CTNNA3: variants seen among roughly 807,000 people sequenced by gnomAD.
CTNNA3 encodes the protein catenin alpha 3.
A neutral mutation model predicts 95.7 loss-of-function variants in CTNNA3; 76 were observed. The observed-to-expected ratio is 0.79, with a 90% CI of 0.66 to 0.96. The LOEUF is 0.96. CTNNA3 is among the 40% of genes least tolerant of loss of function. The pLI, the probability that CTNNA3 is intolerant of heterozygous loss-of-function variation, is 0.00. For missense variants in CTNNA3, 1,191 were observed against 1,089.8 expected (o/e 1.09, Z -1.31); for synonymous variants, 431 against 374.4 (o/e 1.15, Z -1.74).
intron 7 of CTNNA3, among the ~76,000 whole-genome samples, chr10:66,884,329 T>A (rs1844960194): frequency 6.6e-6 from 1 of 152,120 alleles, no homozygotes; most frequent in Non-Finnish European, 1.5e-5. Flanking sequence ...GGAGCTTAAT[T>A]TTCTTCCGTG....
At chr10:67,037,862 G>A (rs1251385346) in intron 7 of CTNNA3, among the ~76,000 whole-genome samples, 1 of 152,126 alleles carries the variant, frequency 6.6e-6, no homozygotes, top group Non-Finnish European at 1.5e-5. Context: ...GCTGACAGTT[G>A]ATATTATGGA....
intron 11 of CTNNA3, among the ~76,000 whole-genome samples, chr10:66,381,656 G>C (rs1589165628): frequency 6.6e-6 from 1 of 152,120 alleles, no homozygotes; most frequent in Admixed American, 6.6e-5. Context: ...TCTGAAATTA[G>C]ATAAATTTAA....
chr10:67,099,134 A>G lies in CTNNA3; in HGVS notation c.1047+81183T>C, dbSNP rs563026524. 11 of 151,870 alleles carry G rather than the reference A, an allele frequency of 7.2e-5. No individual in the cohort carries two copies. In the South Asian group the frequency reaches 2.3e-3, roughly 31 times the overall value. The allele number at this position is 151,870 out of a possible 1,614,324, so 9.4% of individuals were successfully genotyped here. ...TCACCTCCAAATTATCAAAGAAATA[A>G]CTCAGAGTAATTTGACACCAGCCCA... On this transcript the variant is annotated intron_variant, in intron 7 of 17. Transcript: ENST00000433211.
intron 13 of CTNNA3, among the ~76,000 whole-genome samples, chr10:66,165,183 C>T (rs1310495264): frequency 1.3e-5 from 2 of 152,088 alleles, no homozygotes; most frequent in Non-Finnish European, 2.9e-5. Context: ...CCAAATATCA[C>T]ATGTTGTCAC....
chr10:66,235,980 C>G (rs977145158), intron 13 of CTNNA3, among the ~76,000 whole-genome samples: 1 of 152,110 alleles, frequency 6.6e-6, no homozygotes, highest in African/African-American at 2.4e-5. Flanking sequence ...ACATCCATTT[C>G]CCATTTTTGG....
intron 14 of CTNNA3, among the ~76,000 whole-genome samples, chr10:66,099,878 C>T (rs963847813): frequency 1.3e-5 from 2 of 151,992 alleles, no homozygotes; most frequent in Non-Finnish European, 2.9e-5. Flanking sequence ...AGTAAACTGA[C>T]ATGTGGCAAT....
chr10:66,443,115 G>C lies in CTNNA3; in HGVS notation c.1532-63763C>G, dbSNP rs182776199. On this transcript the variant is annotated intron_variant, in intron 11 of 17. Coordinates refer to ENST00000433211, the MANE Select transcript of CTNNA3 (RefSeq NM_013266.4). ...GCCACAGGGAGGCTGGGGGAGGGGC[G>C]CCTGTCATTGCCCAGGCTTGATTAG... Among the ~76,000 whole-genome samples the C allele has an allele frequency of 6.9e-3, 1,049 of 152,240 alleles. 11 individuals are homozygous for C. Among genetic ancestry groups the C allele is most frequent in the African/African-American group, 0.024 (999 of 41,572 alleles).
chr10:66,446,465 G>C (rs1372122086), intron 11 of CTNNA3, among the ~76,000 whole-genome samples: 1 of 151,650 alleles, frequency 6.6e-6, no homozygotes, highest in African/African-American at 2.4e-5. Flanking sequence ...ACATCAAAAA[G>C]TTTATCCACC....
intron 1 of CTNNA3, among the ~76,000 whole-genome samples, chr10:67,665,913 T>A (rs1047310230): frequency 1.3e-5 from 2 of 152,190 alleles, no homozygotes; most frequent in Non-Finnish European, 2.9e-5. Context: ...CAAAGTAGAA[T>A]TTTTGAGAAT....
intron 7 of CTNNA3, among the ~76,000 whole-genome samples, chr10:66,934,854 G>A (rs568869913): frequency 6.6e-6 from 1 of 152,024 alleles, no homozygotes; most frequent in Non-Finnish European, 1.5e-5. Flanking sequence ...ATCTATGCAG[G>A]GTGGAAAATA....
intron 10 of CTNNA3, among the ~76,000 whole-genome samples, chr10:66,542,394 T>A (rs185248529): frequency 6.6e-6 from 1 of 152,074 alleles, no homozygotes; most frequent in African/African-American, 2.4e-5. Context: ...ACTGGGTATA[T>A]ACCCAAAGGA....
At chr10:67,454,559 A>G (rs1252675149) in intron 5 of CTNNA3, among the ~76,000 whole-genome samples, 1 of 152,108 alleles carries the variant, frequency 6.6e-6, no homozygotes, top group East Asian at 1.9e-4. Flanking sequence ...ATAGTGGGGG[A>G]AAATGCTGGC....
intron 11 of CTNNA3, among the ~76,000 whole-genome samples, chr10:66,445,127 C>G (rs943087433): frequency 4.6e-5 from 7 of 151,900 alleles, no homozygotes; most frequent in Non-Finnish European, 2.9e-5. Context: ...GCTAACTATC[C>G]TAAATATACA....
intron 5 of CTNNA3, among the ~76,000 whole-genome samples, chr10:67,285,320 G>A (rs1164858514): frequency 2.0e-5 from 3 of 152,056 alleles, no homozygotes; most frequent in Non-Finnish European, 4.4e-5. Context: ...GAAATCATCC[G>A]TAAACTTCAC....
intron 4 of CTNNA3, among the ~76,000 whole-genome samples, chr10:67,536,338 T>G (rs976371312): frequency 6.6e-6 from 1 of 152,130 alleles, no homozygotes; most frequent in African/African-American, 2.4e-5. Context: ...GAGGCAGTTT[T>G]AAGCTCAGTT....
At chr10:67,514,724 T>G (rs1839756942) in intron 5 of CTNNA3, among the ~76,000 whole-genome samples, 1 of 151,480 alleles carries the variant, frequency 6.6e-6, no homozygotes, top group Non-Finnish European at 1.5e-5. Flanking sequence ...TTTGTTGTTT[T>G]TTTTTTTTTT....
chr10:67,372,601 A>C (rs1440747922), intron 5 of CTNNA3, among the ~76,000 whole-genome samples: 4 of 152,208 alleles, frequency 2.6e-5, no homozygotes, highest in Non-Finnish European at 5.9e-5. Context: ...GCAGGCCAAC[A>C]TTCAAATTCA....
intron 7 of CTNNA3, among the ~76,000 whole-genome samples, chr10:66,964,065 T>C (rs977544230): frequency 6.6e-6 from 1 of 151,874 alleles, no homozygotes; most frequent in Non-Finnish European, 1.5e-5. Context: ...TTGGCCAGGA[T>C]GGTCTCGATC....
At chr10:67,540,597 C>T (rs951631078) in intron 3 of CTNNA3, among the ~76,000 whole-genome samples, 6 of 151,674 alleles carry the variant, frequency 4.0e-5, no homozygotes, top group Non-Finnish European at 7.4e-5. Flanking sequence ...GTTTTATATA[C>T]ATAAATGTAT....
Sources: gnomAD v4.1 joint callset for allele counts (sites outside exome capture counted in the v4.1 genomes callset) on GRCh38, gnomAD v4.1.1 for gene constraint, MANE v1.5 for transcripts, NCBI Gene and HGNC (gene_info 2026-07-23, HGNC 2026-07-21) for gene names.